The following XPO4 variants were observed in gnomAD, a reference collection of about 807,000 sequenced individuals.
XPO4 encodes exportin-4.
A neutral mutation model predicts 143.0 loss-of-function variants in XPO4; 39 were observed. The ratio of observed to expected loss-of-function variants is 0.27; its 90% confidence interval spans 0.21 to 0.36. The LOEUF (loss-of-function observed/expected upper bound fraction) is 0.36. Among genes scored for constraint, XPO4 ranks in the 10% least tolerant of loss-of-function variants. The probability of loss-of-function intolerance (pLI) is 1.00; values close to 1 mark genes in which losing one functional copy is unlikely to be tolerated. For missense variants in XPO4, 907 were observed against 1,348.0 expected (o/e 0.67, Z 5.12); for synonymous variants, 439 against 474.0 (o/e 0.93, Z 0.96).
chr13:20,805,220 C>T (rs910041876), intron 13 of XPO4, among the ~76,000 whole-genome samples: 15 of 152,144 alleles, frequency 9.9e-5, no homozygotes, highest in Admixed American at 2.0e-4. Flanking sequence ...GCTAGGATTA[C>T]AGGTGTGAGC....
intron 4 of XPO4, among the ~76,000 whole-genome samples, chr13:20,848,042 T>C (rs2060045046): frequency 6.6e-6 from 1 of 152,230 alleles, no homozygotes; most frequent in Admixed American, 6.5e-5. Context: ...CTTCCACCCG[T>C]TGGCAACGTG....
At position 20,873,101 on chromosome 13, in the gene XPO4, C is replaced by CAAAAA. The variant is rs11420948; in HGVS notation, c.70-4405_70-4401dup. ...GACCCGTGACCATTCCAAGGATCTT[C>CAAAAA]AAAAAAAAAAAAAAACAAGGATGGG... On this transcript the variant is annotated intron_variant, in intron 1 of 22. Transcript: ENST00000255305. Among the ~76,000 whole-genome samples the CAAAAA allele has an allele frequency of 2.5e-4, 32 of 128,128 alleles. 3 individuals are homozygous for CAAAAA. Among genetic ancestry groups the CAAAAA allele is most frequent in the African/African-American group, 5.7e-4 (19 of 33,326 alleles). 84.1% of individuals were successfully genotyped at this position (128,128 alleles called of 152,430 possible).
At chr13:20,805,713 T>C (rs959112152) in intron 13 of XPO4, among the ~76,000 whole-genome samples, 14 of 152,206 alleles carry the variant, frequency 9.2e-5, no homozygotes, top group African/African-American at 3.1e-4. Flanking sequence ...TTATTCTCTC[T>C]CCTTTATAAA....
Position 20,835,070 on chromosome 13 carries a change from T to C in XPO4, c.727+7825A>G, listed in dbSNP as rs111538329. On this transcript the variant is annotated intron_variant, in intron 6 of 22. Transcript: ENST00000255305. ...CCCAGGCTGGGGTGCAGTGGTGCAA[T>C]CATAGTTCAAGGTAACTTTGAACTC... 8.0e-3 allele frequency among the ~76,000 whole-genome samples: 1,214 copies of C among 152,284 alleles called. 22 individuals carry two copies. The highest frequency in any genetic ancestry group is 0.027 in the African/African-American group (1,139 of 41,560).
intron 20 of XPO4, 41 bp downstream of exon 20, chr13:20,788,445 C>T (rs1461201712): frequency 6.4e-7 from 1 of 1,570,544 alleles, no homozygotes; most frequent in African/African-American, 1.4e-5. Flanking sequence ...AGATCTTTTT[C>T]CCCAAGTAAC....
intron 1 of XPO4, among the ~76,000 whole-genome samples, chr13:20,899,549 G>A (rs574043480): frequency 6.6e-6 from 1 of 152,106 alleles, no homozygotes; most frequent in East Asian, 1.9e-4. Context: ...TCTCAGAGAC[G>A]GTGATAAAAG....
intron 19 of XPO4, 119 bp from the exon 20 acceptor site, chr13:20,788,735 T>C (rs1471365441): frequency 1.9e-6 from 2 of 1,029,514 alleles, no homozygotes; most frequent in Non-Finnish European, 2.7e-6. Flanking sequence ...TTAAAACATG[T>C]ACAAGATATA....
Position 20,777,456 on chromosome 13 carries a change from G to A in XPO4, c.*6266C>T. The A allele has an allele frequency of 6.6e-6, 1 of 152,154 alleles. No individual in the cohort carries two copies. Among genetic ancestry groups the A allele is most frequent in the Non-Finnish European group, 1.5e-5 (1 of 68,024 alleles). The allele number at this position is 152,154 out of a possible 1,614,324, so 9.4% of individuals were successfully genotyped here. ...GGATAACAGACCTGTGGAAATTAAT[G>A]TAAGCCCTAAGCAGCTTAGTTAGAC... On this transcript the variant is annotated 3_prime_UTR_variant, in exon 23 of 23. Coordinates refer to ENST00000255305, the MANE Select transcript of XPO4 (RefSeq NM_022459.5).
At position 20,827,142 on chromosome 13, in the gene XPO4, T is replaced by G. The variant is rs1481989093; in HGVS notation, c.765A>C (p.Gln255His). ...RHYIAMFESSQNVLLKPTESW... is the reference protein window; with the variant it reads ...RHYIAMFESSHNVLLKPTESW... ...ACTCTGTTGGCTTCAACAGCACATT[T>G]TGCGAGGATTCAAACATAGCTATAT... is the stretch of plus-strand genomic sequence containing the variant. The change falls in exon 7 of 23, where the codon CAA becomes CAC. Residue 255 changes from glutamine (Q) to histidine (H), a missense_variant. Physicochemically the swap from Gln to His is conservative, Grantham distance 24 (BLOSUM62 0). Transcript: ENST00000255305. 6.2e-7 allele frequency: 1 copy of G among 1,614,012 alleles called. No individual in the cohort carries two copies. The highest frequency in any genetic ancestry group is 8.5e-7 in the Non-Finnish European group (1 of 1,179,892).
At chr13:20,898,899 G>A (rs1229150871) in intron 1 of XPO4, among the ~76,000 whole-genome samples, 1 of 152,070 alleles carries the variant, frequency 6.6e-6, no homozygotes, top group Non-Finnish European at 1.5e-5. Context: ...AACTCACCTG[G>A]GCACAGTAGC....
In XPO4 at chr13:20,849,554, C is replaced by T. The variant is rs528471844; in HGVS notation, c.457-5668G>A. 1.5e-4 allele frequency: 144 copies of T among 985,390 alleles called. No individual in the cohort carries two copies. The African/African-American group carries it at 2.4e-3, about 17-fold the overall frequency. The allele number at this position is 985,390 out of a possible 1,614,324, so 61.0% of individuals were successfully genotyped here. A position where few individuals can be genotyped will look rare whatever the true frequency, so the allele number is the denominator to read the frequency against. ...TCCCAAATTAGTACTGACAGCAGGT[C>T]TGACACTACTGCAAACTGAGATGAA... On this transcript the variant is annotated intron_variant, in intron 4 of 22. Coordinates refer to ENST00000255305, the MANE Select transcript of XPO4 (RefSeq NM_022459.5).
chr13:20,894,140 C>T (rs1595171591), intron 1 of XPO4, among the ~76,000 whole-genome samples: 1 of 152,144 alleles, frequency 6.6e-6, no homozygotes, highest in African/African-American at 2.4e-5. Context: ...CGGTGTCCAG[C>T]CAGAAATCTG....
At chr13:20,864,224 G>A (rs956244984) in intron 2 of XPO4, among the ~76,000 whole-genome samples, 4 of 149,336 alleles carry the variant, frequency 2.7e-5, no homozygotes, top group Non-Finnish European at 1.5e-5. Context: ...AAAACTCTAG[G>A]AGTTAAAAAA....
At chr13:20,856,828 C>G in intron 3 of XPO4, 1 of 985,170 alleles carries the variant, frequency 1.0e-6, no homozygotes, top group Non-Finnish European at 1.2e-6. Flanking sequence ...ACTTCTATTC[C>G]CTCTCCCAAG....
At chr13:20,872,722 T>C (rs967520135) in intron 1 of XPO4, among the ~76,000 whole-genome samples, 1 of 152,146 alleles carries the variant, frequency 6.6e-6, no homozygotes, top group African/African-American at 2.4e-5. Flanking sequence ...ACACTATCAG[T>C]AAGAAGCAGA....
At chr13:20,800,500 TCA>T (rs1401916049) in intron 14 of XPO4, among the ~76,000 whole-genome samples, 175 bp from the exon 15 acceptor site, 1 of 152,124 alleles carries the variant, frequency 6.6e-6, no homozygotes, top group Non-Finnish European at 1.5e-5. Flanking sequence ...CTCAATCCAC[TCA>T]CATTTTCCAG....
At chr13:20,828,095 G>T (rs563315311) in intron 6 of XPO4, among the ~76,000 whole-genome samples, 1 of 152,166 alleles carries the variant, frequency 6.6e-6, no homozygotes, top group Non-Finnish European at 1.5e-5. Context: ...AAATTAGCTG[G>T]GCATGGTGGC....
At position 20,803,596 on chromosome 13, in the gene XPO4, G is replaced by C. The variant is rs1384117797; in HGVS notation, c.1818-2606C>G. ...CTTTAAATTTATCACCCATGGAATA[G>C]TATCTCTAAAATATTTTGATCACTT... On this transcript the variant is annotated intron_variant, in intron 13 of 22. Transcript: ENST00000255305. This position sits in a 1 kb window ranked among gnomAD's most constrained non-coding sequence, Gnocchi z 4.1. Among the ~76,000 whole-genome samples, 1 of 152,108 alleles carries C rather than the reference G, an allele frequency of 6.6e-6. No homozygotes were observed. The highest frequency in any genetic ancestry group is 1.5e-5 in the Non-Finnish European group (1 of 68,016).
At chr13:20,860,596 T>C (rs1288487984) in intron 3 of XPO4, among the ~76,000 whole-genome samples, 1 of 152,240 alleles carries the variant, frequency 6.6e-6, no homozygotes, top group Non-Finnish European at 1.5e-5. Flanking sequence ...TCTACTCACC[T>C]GTACTTACCT....
Sources: gnomAD v4.1 joint callset for allele counts (sites outside exome capture counted in the v4.1 genomes callset) on GRCh38, gnomAD v4.1.1 for gene constraint, Gnocchi (gnomAD v3.1) non-coding constraint, MANE v1.5 for transcripts, NCBI Gene and HGNC (gene_info 2026-07-23, HGNC 2026-07-21) for gene names.